The following PABPC4L variants were observed in gnomAD, a reference collection of about 807,000 sequenced individuals.
The protein encoded by PABPC4L is poly(A) binding protein cytoplasmic 4 like.
For missense variants in PABPC4L, 452 were observed against 451.4 expected, an observed-to-expected ratio of 1.00 and a Z score of -0.01; for synonymous variants, 169 against 164.1, an observed-to-expected ratio of 1.03 and a Z score of -0.23.
chr4:134,179,724 C>A, the PABPC4L span, among the ~76,000 whole-genome samples: 1 of 151,738 alleles, frequency 6.6e-6, no homozygotes, highest in Non-Finnish European at 1.5e-5. Flanking sequence ...CATAAAGAGG[C>A]AGGGGCTGCT....
chr4:133,972,178 C>A, the PABPC4L span, among the ~76,000 whole-genome samples: 3 of 152,118 alleles, frequency 2.0e-5, no homozygotes, highest in African/African-American at 7.2e-5. Context: ...AACCCAGTAA[C>A]ATATTCCTGA....
At chr4:133,957,214 A>G in the PABPC4L span, among the ~76,000 whole-genome samples, 2 of 152,190 alleles carry the variant, frequency 1.3e-5, no homozygotes, top group South Asian at 4.1e-4. Flanking sequence ...TCCTAGATAC[A>G]ATGGCAGTAG....
At chr4:133,968,102 G>A in the PABPC4L span, among the ~76,000 whole-genome samples, 2 of 152,200 alleles carry the variant, frequency 1.3e-5, no homozygotes, top group South Asian at 4.2e-4. Flanking sequence ...CCATTTAGTC[G>A]CAGGAATATT....
the PABPC4L span, among the ~76,000 whole-genome samples, chr4:134,103,809 G>A: frequency 2.0e-5 from 3 of 151,774 alleles, no homozygotes; most frequent in Non-Finnish European, 2.9e-5. Context: ...GAAAAGCAGT[G>A]TGTGAATGTA....
At chr4:134,061,746 G>A in the PABPC4L span, among the ~76,000 whole-genome samples, 2 of 151,002 alleles carry the variant, frequency 1.3e-5, no homozygotes, top group African/African-American at 4.9e-5. Flanking sequence ...TTACTTAATA[G>A]GATCTAAAAC....
At chr4:134,042,998 T>C in the PABPC4L span, among the ~76,000 whole-genome samples, 1 of 152,122 alleles carries the variant, frequency 6.6e-6, no homozygotes, top group South Asian at 2.1e-4. Flanking sequence ...ATGAAGGTCT[T>C]TTCTTGTATT....
chr4:134,102,812 T>A, the PABPC4L span, among the ~76,000 whole-genome samples: 1 of 151,566 alleles, frequency 6.6e-6, no homozygotes, highest in Admixed American at 6.6e-5. Flanking sequence ...TTATTTTATA[T>A]AATTTCTATA....
At chr4:134,002,276 A>T in the PABPC4L span, among the ~76,000 whole-genome samples, 26 of 151,892 alleles carry the variant, frequency 1.7e-4, no homozygotes, top group Non-Finnish European at 3.2e-4. Context: ...GCATTCACCA[A>T]ATTTAATACA....
At chr4:133,949,180 C>A in the PABPC4L span, among the ~76,000 whole-genome samples, 1 of 152,188 alleles carries the variant, frequency 6.6e-6, no homozygotes, top group Admixed American at 6.5e-5. Flanking sequence ...ACTCACCCAA[C>A]CTTGAAATTG....
At chr4:134,035,110 C>G in the PABPC4L span, among the ~76,000 whole-genome samples, 1 of 151,978 alleles carries the variant, frequency 6.6e-6, no homozygotes, top group African/African-American at 2.4e-5. Context: ...AGTCTGCCAA[C>G]AGCAAAAAGA....
At chr4:134,074,806 T>C in the PABPC4L span, among the ~76,000 whole-genome samples, 1 of 152,094 alleles carries the variant, frequency 6.6e-6, no homozygotes, top group African/African-American at 2.4e-5. Context: ...CTCATAAAAC[T>C]ACCAGATCTT....
At chr4:134,169,970 T>G in the PABPC4L span, among the ~76,000 whole-genome samples, 1 of 152,324 alleles carries the variant, frequency 6.6e-6, no homozygotes, top group Non-Finnish European at 1.5e-5. Flanking sequence ...ATAATCTTGT[T>G]ACTAAGGTAA....
chr4:134,093,144 G>C, the PABPC4L span, among the ~76,000 whole-genome samples: 1 of 151,034 alleles, frequency 6.6e-6, no homozygotes, highest in Admixed American at 6.6e-5. Flanking sequence ...TGTTTAAAAA[G>C]CAGGATTTTT....
chr4:134,161,835 A>G, the PABPC4L span, among the ~76,000 whole-genome samples: 9 of 152,276 alleles, frequency 5.9e-5, no homozygotes, highest in Admixed American at 5.2e-4. Context: ...AACAAAAGAC[A>G]AACCCATTAA....
the PABPC4L span, among the ~76,000 whole-genome samples, chr4:134,085,368 C>T: frequency 6.6e-6 from 1 of 151,846 alleles, no homozygotes; most frequent in Admixed American, 6.6e-5. Flanking sequence ...TGTACATATA[C>T]AAATCTATGT....
chr4:134,005,965 A>G, the PABPC4L span, among the ~76,000 whole-genome samples: 1 of 151,918 alleles, frequency 6.6e-6, no homozygotes, highest in African/African-American at 2.4e-5. Context: ...TATGGCTCCA[A>G]TGTCAGGTTA....
chr4:134,030,390 C>T, the PABPC4L span, among the ~76,000 whole-genome samples: 3 of 152,032 alleles, frequency 2.0e-5, no homozygotes, highest in Non-Finnish European at 4.4e-5. Flanking sequence ...CACTTAATTC[C>T]TTAATTCGTC....
chr4:133,957,513 G>A, the PABPC4L span, among the ~76,000 whole-genome samples: 1 of 152,158 alleles, frequency 6.6e-6, no homozygotes, highest in African/African-American at 2.4e-5. Context: ...GGTGCAAGTT[G>A]TCAGTGGATC....
the PABPC4L span, among the ~76,000 whole-genome samples, chr4:133,993,497 T>C: frequency 6.6e-6 from 1 of 152,306 alleles, no homozygotes; most frequent in Non-Finnish European, 1.5e-5. Context: ...TAAGTGAGAA[T>C]TGGTATCAAC....
Sources: gnomAD v4.1 joint callset for allele counts (sites outside exome capture counted in the v4.1 genomes callset) on GRCh38, gnomAD v4.1.1 for gene constraint, MANE v1.5 for transcripts, NCBI Gene and HGNC (gene_info 2026-07-23, HGNC 2026-07-21) for gene names.